The following CSNK1D variants were observed in gnomAD, a reference collection of about 807,000 sequenced individuals.
The protein encoded by CSNK1D is casein kinase 1 delta, also known as casein kinase I isoform delta.
A neutral mutation model predicts 46.6 loss-of-function variants in CSNK1D; 16 were observed. The observed-to-expected ratio is 0.34, with a 90% confidence interval of 0.23 to 0.52. The LOEUF (loss-of-function observed/expected upper bound fraction) is 0.52. Ranked by LOEUF, CSNK1D falls within the 20% of genes least tolerant of loss-of-function variation. CSNK1D has a pLI of 0.95. For missense variants in CSNK1D, 398 were observed against 578.4 expected, an observed-to-expected ratio of 0.69 and a Z score of 3.20; for synonymous variants, 276 against 228.2, an observed-to-expected ratio of 1.21 and a Z score of -1.89.
rs139129912 is a variant in CSNK1D at position 82,244,704 on chromosome 17, G to A, written c.*77C>T. Reference sequence around the variant, plus strand: ...ACATTTCGATCCTAGACCGGGGGACGTGTCACTAGTAAAGCCATTGGTAAC... The same window carrying A: ...ACATTTCGATCCTAGACCGGGGGACATGTCACTAGTAAAGCCATTGGTAAC... On this transcript the variant is annotated 3_prime_UTR_variant, in exon 9 of 9. Transcript: ENST00000314028. The A allele has an allele frequency of 5.0e-6, 8 of 1,610,282 alleles. No individual in the cohort carries two copies. The highest frequency in any genetic ancestry group is 2.2e-5 in the South Asian group (2 of 90,888).
chr17:82,249,877 C>T lies in CSNK1D; in HGVS notation c.886-275G>A. On this transcript the variant is annotated intron_variant, in intron 6 of 8. Coordinates refer to ENST00000314028, the MANE Select transcript of CSNK1D (RefSeq NM_001893.6). This position sits in a 1 kb window ranked among gnomAD's most constrained non-coding sequence, Gnocchi z 6.7. ...TGGGCTCAGAACTTCCTTAAACTTC[C>T]AAATGGGCAGCAGCTACCCCCTGCT... 7.1e-7 allele frequency: 1 copy of T among 1,402,078 alleles called. No homozygotes were observed. Among genetic ancestry groups the T allele is most frequent in the Non-Finnish European group, 9.3e-7 (1 of 1,078,642 alleles). The allele number at this position is 1,402,078 out of a possible 1,614,324, so 86.9% of individuals were successfully genotyped here.
chr17:82,245,164 C>T, intron 8 of CSNK1D: 1 of 520,388 alleles, frequency 1.9e-6, no homozygotes, highest in South Asian at 2.1e-5. Flanking sequence ...AATGGGTACC[C>T]CTCTCAGGGA....
rs373364760 is a variant in CSNK1D at position 82,248,822 on chromosome 17, A to C, written c.1197+53T>G. ...CTGGAGAAACCACAGCCCGCTCTTG[A>C]CTCGGACGGGGTAGCCCGAGGCCCA... On this transcript the variant is annotated intron_variant, in intron 8 of 8. Coordinates refer to ENST00000314028, the MANE Select transcript of CSNK1D (RefSeq NM_001893.6). The surrounding 1 kb of genome is among the most constrained non-coding windows in gnomAD (Gnocchi z 4.1). 14 of 1,582,724 alleles carry C rather than the reference A, an allele frequency of 8.8e-6. No individual in the cohort carries two copies. The highest frequency in any genetic ancestry group is 2.3e-5 in the East Asian group (1 of 43,416).
In CSNK1D at chr17:82,252,425, G is replaced by C. The variant is rs771608368; in HGVS notation, c.736+9C>G. On this transcript the variant is annotated intron_variant, in intron 5 of 8. Transcript: ENST00000314028. This position sits in a 1 kb window ranked among gnomAD's most constrained non-coding sequence, Gnocchi z 4.6. ...CAGCTCCGCTGAGAAGAGGCCTCCA[G>C]AGACTTACAAGGGTAGCCTTTACAC... 2 of 1,614,006 alleles carry C rather than the reference G, an allele frequency of 1.2e-6. No homozygotes were observed. Among genetic ancestry groups the C allele is most frequent in the Admixed American group, 3.3e-5 (2 of 60,004 alleles).
In CSNK1D at chr17:82,249,788, C is replaced by T; in HGVS notation, c.886-186G>A. On this transcript the variant is annotated intron_variant, in intron 6 of 8. Coordinates refer to ENST00000314028, the MANE Select transcript of CSNK1D (RefSeq NM_001893.6). The surrounding 1 kb of genome is among the most constrained non-coding windows in gnomAD (Gnocchi z 6.7). ...TGACAGCATCATCCCCACAAGGGGT[C>T]AGAGCCAGGCCTCTCAGCTCCCCCA... 1 of 1,450,764 alleles carries T rather than the reference C, an allele frequency of 6.9e-7. No homozygotes were observed. The highest frequency in any genetic ancestry group is 9.0e-7 in the Non-Finnish European group (1 of 1,105,202). 89.9% of individuals were successfully genotyped at this position (1,450,764 alleles called of 1,614,324 possible).
rs2050951710 is a variant in CSNK1D, at chr17:82,249,735, C to CA, written c.886-134dup. On this transcript the variant is annotated intron_variant, in intron 6 of 8. Coordinates refer to ENST00000314028, the MANE Select transcript of CSNK1D (RefSeq NM_001893.6). This position sits in a 1 kb window ranked among gnomAD's most constrained non-coding sequence, Gnocchi z 6.7. ...GGACGAGACTGCCTGCAAAGCCCCCCACAGGCTGCACGTTTCTCCTCATGG... is the reference window on the plus strand; with the variant it reads ...GGACGAGACTGCCTGCAAAGCCCCCCAACAGGCTGCACGTTTCTCCTCATGG... The CA allele has an allele frequency of 2.0e-5, 30 of 1,506,612 alleles. No individual in the cohort carries two copies. The highest frequency in any genetic ancestry group is 2.7e-5 in the Non-Finnish European group (30 of 1,130,734). The allele number at this position is 1,506,612 out of a possible 1,614,324, so 93.3% of individuals were successfully genotyped here. A position where few individuals can be genotyped will look rare whatever the true frequency, so the allele number is the denominator to read the frequency against.
At chr17:82,265,409 C>T (rs957072682) in intron 2 of CSNK1D, 4 of 430,818 alleles carry the variant, frequency 9.3e-6, no homozygotes. Context: ...AAACTACTGA[C>T]CTCAAATGAT....
chr17:82,249,916 GCTCA>G lies in CSNK1D; in HGVS notation c.886-318_886-315del, dbSNP rs1169898630. ...CTACCCCCTGCTGCTCTGTGAACAT[GCTCA>G]CTAACACGTGCAGAAAGAGGAGAGG... On this transcript the variant is annotated intron_variant, in intron 6 of 8. Coordinates refer to ENST00000314028, the MANE Select transcript of CSNK1D (RefSeq NM_001893.6). The surrounding 1 kb of genome is among the most constrained non-coding windows in gnomAD (Gnocchi z 6.7). The G allele has an allele frequency of 9.0e-6, 12 of 1,330,170 alleles. No individual in the cohort carries two copies. The highest frequency in any genetic ancestry group is 3.3e-5 in the East Asian group (1 of 30,378). 82.4% of individuals were successfully genotyped at this position (1,330,170 alleles called of 1,614,324 possible). A position where few individuals can be genotyped will look rare whatever the true frequency, so the allele number is the denominator to read the frequency against.
chr17:82,249,909 T>G lies in CSNK1D; in HGVS notation c.886-307A>C. The G allele has an allele frequency of 1.5e-6, 2 of 1,346,340 alleles. No individual in the cohort carries two copies. Among genetic ancestry groups the G allele is most frequent in the Non-Finnish European group, 1.9e-6 (2 of 1,042,410 alleles). The allele number at this position is 1,346,340 out of a possible 1,614,324, so 83.4% of individuals were successfully genotyped here. The stretch of plus-strand genomic sequence containing the variant: ...GCAGCAGCTACCCCCTGCTGCTCTG[T>G]GAACATGCTCACTAACACGTGCAGA... On this transcript the variant is annotated intron_variant, in intron 6 of 8. Coordinates refer to ENST00000314028, the MANE Select transcript of CSNK1D (RefSeq NM_001893.6). This position sits in a 1 kb window ranked among gnomAD's most constrained non-coding sequence, Gnocchi z 6.7.
intron 1 of CSNK1D, among the ~76,000 whole-genome samples, chr17:82,270,222 G>A (rs751085521): frequency 2.0e-5 from 3 of 152,266 alleles, no homozygotes; most frequent in Middle Eastern, 3.4e-3. Context: ...TTTGGAACAC[G>A]ACAACCTGGC....
At chr17:82,270,010 C>T (rs1378990255) in intron 1 of CSNK1D, among the ~76,000 whole-genome samples, 1 of 152,232 alleles carries the variant, frequency 6.6e-6, no homozygotes, top group East Asian at 1.9e-4. Context: ...AGGGCCGGGG[C>T]CAGGTCACAC....
In CSNK1D at chr17:82,252,003, AAAG is replaced by A. The variant is rs1160834137; in HGVS notation, c.736+428_736+430del. Reference sequence around the variant, plus strand: ...AGTGAGACTGTGTCTTAAAAAAAAAAAAGAAGTCATAAAGCACAATTTAGTTTC... The same window carrying A: ...AGTGAGACTGTGTCTTAAAAAAAAAAAAGTCATAAAGCACAATTTAGTTTC... On this transcript the variant is annotated intron_variant, in intron 5 of 8. Transcript: ENST00000314028. This position sits in a 1 kb window ranked among gnomAD's most constrained non-coding sequence, Gnocchi z 4.6. Among the ~76,000 whole-genome samples the A allele has an allele frequency of 6.6e-5, 10 of 152,172 alleles. No individual in the cohort carries two copies. The highest frequency in any genetic ancestry group is 1.3e-4 in the Non-Finnish European group (9 of 68,028).
Position 82,273,584 on chromosome 17 carries a change from G to C in CSNK1D, c.-203C>G, listed in dbSNP as rs953861643. The C allele has an allele frequency of 4.2e-5, 26 of 613,648 alleles. No homozygotes were observed. Among genetic ancestry groups the C allele is most frequent in the Admixed American group, 2.5e-4 (8 of 31,664 alleles). 38.0% of individuals were successfully genotyped at this position (613,648 alleles called of 1,614,324 possible). A position where few individuals can be genotyped will look rare whatever the true frequency, so the allele number is the denominator to read the frequency against. On this transcript the variant is annotated 5_prime_UTR_variant, in exon 1 of 9. Transcript: ENST00000314028. The surrounding 1 kb of genome is among the most constrained non-coding windows in gnomAD (Gnocchi z 5.1). The stretch of plus-strand genomic sequence containing the variant: ...CGGATGGGACAGTCCGAGCGCCGCC[G>C]CCGCTGCTCCGGCCCCTACCGGTCC...
At chr17:82,257,285 T>C (rs1758464705) in intron 2 of CSNK1D, among the ~76,000 whole-genome samples, 1 of 152,208 alleles carries the variant, frequency 6.6e-6, no homozygotes, top group Admixed American at 6.5e-5. Context: ...TATCTCTCAG[T>C]TAATGGCATG....
chr17:82,247,259 C>T, intron 8 of CSNK1D: 5 of 985,414 alleles, frequency 5.1e-6, no homozygotes, highest in Non-Finnish European at 6.0e-6. Flanking sequence ...CACAGCTCAC[C>T]ATGGAAGGAG....
Position 82,243,490 on chromosome 17 carries a change from G to A in CSNK1D, c.*1291C>T. 2.0e-6 allele frequency: 2 copies of A among 985,526 alleles called. No homozygotes were observed. The highest frequency in any genetic ancestry group is 2.4e-6 in the Non-Finnish European group (2 of 829,990). 61.0% of individuals were successfully genotyped at this position (985,526 alleles called of 1,614,324 possible). A position where few individuals can be genotyped will look rare whatever the true frequency, so the allele number is the denominator to read the frequency against. ...CCTGGGGCAGCACCAGCTCACGGAG[G>A]CCACCTGCCTTCTGGTGGGACTCGG... On this transcript the variant is annotated 3_prime_UTR_variant, in exon 9 of 9. Coordinates refer to ENST00000314028, the MANE Select transcript of CSNK1D (RefSeq NM_001893.6).
In CSNK1D at chr17:82,251,169, G is replaced by A. The variant is rs1465629987; in HGVS notation, c.885+210C>T. 4 of 586,444 alleles carry A rather than the reference G, an allele frequency of 6.8e-6. No individual in the cohort carries two copies. Among genetic ancestry groups the A allele is most frequent in the Non-Finnish European group, 1.2e-5 (4 of 327,902 alleles). 36.3% of individuals were successfully genotyped at this position (586,444 alleles called of 1,614,324 possible). A position where few individuals can be genotyped will look rare whatever the true frequency, so the allele number is the denominator to read the frequency against. ...ACCCAGGAATTCCATGGACCCCTCT[G>A]CGTTCCCTAATGGCGTCTTACTTCT... is the stretch of plus-strand genomic sequence containing the variant. On this transcript the variant is annotated intron_variant, in intron 6 of 8. Coordinates refer to ENST00000314028, the MANE Select transcript of CSNK1D (RefSeq NM_001893.6). This position sits in a 1 kb window ranked among gnomAD's most constrained non-coding sequence, Gnocchi z 4.5.
downstream of CSNK1D, chr17:82,239,289 A>G (rs992862287): frequency 8.8e-6 from 1 of 114,020 alleles, no homozygotes; most frequent in African/African-American, 3.4e-5. Flanking sequence ...CTTCGAGACA[A>G]CGTGACTTTA....
At chr17:82,263,763 A>C (rs1295229474) in intron 2 of CSNK1D, among the ~76,000 whole-genome samples, 2 of 152,236 alleles carry the variant, frequency 1.3e-5, no homozygotes, top group African/African-American at 4.8e-5. Context: ...CCCCAGCACC[A>C]GGCTCCCGCA....
Sources: allele counts gnomAD v4.1 joint callset (sites outside exome capture counted in the v4.1 genomes callset), GRCh38; gene constraint gnomAD v4.1.1; non-coding constraint Gnocchi (gnomAD v3.1); transcripts MANE v1.5; gene names NCBI Gene and HGNC (gene_info 2026-07-23, HGNC 2026-07-21).